The following PIK3R3 variants were observed in gnomAD, a reference collection of about 807,000 sequenced individuals.
The protein encoded by PIK3R3 is phosphoinositide-3-kinase regulatory subunit 3, also known as phosphatidylinositol 3-kinase regulatory subunit gamma.
A neutral mutation model predicts 62.9 loss-of-function variants in PIK3R3; 64 were observed. The ratio of observed to expected loss-of-function variants is 1.02; its 90% CI spans 0.83 to 1.25. The LOEUF (loss-of-function observed/expected upper bound fraction) is 1.25, where lower values mean the gene tolerates loss of function less well. Ranked by LOEUF, PIK3R3 falls within the 50% of genes most tolerant of loss-of-function variation. The pLI, the probability that PIK3R3 is intolerant of heterozygous loss-of-function variation, is 0.00. For missense variants in PIK3R3, 614 were observed against 561.6 expected (o/e 1.09, Z -0.94); for synonymous variants, 165 against 189.0 (o/e 0.87, Z 1.04).
chr1:46,042,449 T>C lies in PIK3R3; in HGVS notation c.*1224A>G. On this transcript the variant is annotated 3_prime_UTR_variant, in exon 10 of 10. Coordinates refer to ENST00000262741, the MANE Select transcript of PIK3R3 (RefSeq NM_003629.4). This position sits in a 1 kb window ranked among gnomAD's most constrained non-coding sequence, Gnocchi z 4.3. Reference sequence around the variant, plus strand: ...ACTGTATGGAAGCACATGTGTAATGTGGTGTGACTCTCACCCTGGACCACA... The same window carrying C: ...ACTGTATGGAAGCACATGTGTAATGCGGTGTGACTCTCACCCTGGACCACA... The C allele has an allele frequency of 4.4e-6, 1 of 225,430 alleles. No homozygotes were observed. Among genetic ancestry groups the C allele is most frequent in the Non-Finnish European group, 8.9e-6 (1 of 112,970 alleles). 14.0% of individuals were successfully genotyped at this position (225,430 alleles called of 1,614,324 possible).
the PIK3R3 span, among the ~76,000 whole-genome samples, chr1:46,140,857 GTTTT>G: frequency 6.6e-6 from 1 of 151,394 alleles, no homozygotes; most frequent in African/African-American, 2.4e-5. Context: ...TTTGTTTTTT[GTTTT>G]TTTGTTTTTT....
intron 1 of PIK3R3, among the ~76,000 whole-genome samples, chr1:46,082,640 C>A (rs1055927430): frequency 5.9e-5 from 9 of 152,018 alleles, no homozygotes; most frequent in Non-Finnish European, 1.0e-4. Flanking sequence ...TCAAATGATT[C>A]AAAAAAATTA....
chr1:46,102,782 T>C (rs1408529974), intron 1 of PIK3R3, among the ~76,000 whole-genome samples: 1 of 137,072 alleles, frequency 7.3e-6, no homozygotes, highest in Non-Finnish European at 1.5e-5. Context: ...CAGCAATCCT[T>C]CTTATTCTGG....
intron 8 of PIK3R3, 115 bp downstream of exon 8, chr1:46,046,436 C>A: frequency 1.3e-6 from 1 of 756,136 alleles, no homozygotes; most frequent in South Asian, 1.6e-5. Context: ...AGTCAAAGTT[C>A]TAGATTCAAT....
chr1:46,091,745 A>G (rs1313266700), intron 1 of PIK3R3, among the ~76,000 whole-genome samples: 1 of 152,170 alleles, frequency 6.6e-6, no homozygotes, highest in South Asian at 2.1e-4. Context: ...GATTGCTTCC[A>G]GGACCCCTGC....
chr1:46,123,672 G>C (rs1290293880), intron 1 of PIK3R3, among the ~76,000 whole-genome samples: 1 of 152,216 alleles, frequency 6.6e-6, no homozygotes, highest in Non-Finnish European at 1.5e-5. Context: ...CTGGGCTTTA[G>C]TTAGGCAGAT....
chr1:46,156,281 G>A, the PIK3R3 span, among the ~76,000 whole-genome samples: 1 of 151,826 alleles, frequency 6.6e-6, no homozygotes, highest in African/African-American at 2.4e-5. Context: ...CCAACATGGT[G>A]AAACCCCGTC....
chr1:46,042,051 G>A lies in PIK3R3; in HGVS notation c.*1622C>T, dbSNP rs1190647334. On this transcript the variant is annotated 3_prime_UTR_variant, in exon 10 of 10. Transcript: ENST00000262741. This position sits in a 1 kb window ranked among gnomAD's most constrained non-coding sequence, Gnocchi z 4.3. ...GTACTGGCTTCTCTAGCTCAGCCAGGGTGCCTGACTGCACAGCTTTGGGTT... is the reference window on the plus strand; with the variant it reads ...GTACTGGCTTCTCTAGCTCAGCCAGAGTGCCTGACTGCACAGCTTTGGGTT... The A allele has an allele frequency of 4.5e-6, 1 of 222,844 alleles. No homozygotes were observed. Among genetic ancestry groups the A allele is most frequent in the Non-Finnish European group, 9.0e-6 (1 of 111,610 alleles). 13.8% of individuals were successfully genotyped at this position (222,844 alleles called of 1,614,324 possible). A position where few individuals can be genotyped will look rare whatever the true frequency, so the allele number is the denominator to read the frequency against.
the PIK3R3 span, among the ~76,000 whole-genome samples, chr1:46,153,224 G>T: frequency 2.0e-5 from 3 of 151,536 alleles, no homozygotes; most frequent in African/African-American, 7.3e-5. Flanking sequence ...GACAAAATTA[G>T]ATATTATTTA....
At chr1:46,083,653 C>T (rs1158119678) in intron 1 of PIK3R3, among the ~76,000 whole-genome samples, 1 of 152,102 alleles carries the variant, frequency 6.6e-6, no homozygotes, top group African/African-American at 2.4e-5. Context: ...AAAAGACAAA[C>T]AAGTGGCCAA....
intron 1 of PIK3R3, among the ~76,000 whole-genome samples, chr1:46,114,946 G>A (rs1654056148): frequency 6.6e-6 from 1 of 151,846 alleles, no homozygotes; most frequent in Admixed American, 6.6e-5. Flanking sequence ...CCTCCAGGTA[G>A]TTCTAATGCA....
rs370501368 is a variant in PIK3R3, at chr1:46,045,644, T to TTTTTTTC, written c.1187+273_1187+274insGAAAAAA. On this transcript the variant is annotated intron_variant, in intron 9 of 9. Transcript: ENST00000262741. ...TTTTTTTTTTTTTTTTTTTTTTTTT[T>TTTTTTTC]CAATTTAAGATCTCACATTACCTTT... Among the ~76,000 whole-genome samples, 8 of 82,680 alleles carry TTTTTTTC rather than the reference T, an allele frequency of 9.7e-5. 1 individual carries two copies. Among genetic ancestry groups the TTTTTTTC allele is most frequent in the African/African-American group, 1.9e-4 (4 of 21,284 alleles). The allele number at this position is 82,680 out of a possible 152,430, so 54.2% of individuals were successfully genotyped here.
At chr1:46,066,639 G>A (rs1476515584) in intron 4 of PIK3R3, among the ~76,000 whole-genome samples, 1 of 152,072 alleles carries the variant, frequency 6.6e-6, no homozygotes, top group Non-Finnish European at 1.5e-5. Context: ...GGGCAACATG[G>A]CAAGACCCTG....
At chr1:46,053,637 G>A (rs1401872535) in intron 7 of PIK3R3, among the ~76,000 whole-genome samples, 1 of 152,132 alleles carries the variant, frequency 6.6e-6, no homozygotes, top group Non-Finnish European at 1.5e-5. Flanking sequence ...CCCCTCACCA[G>A]ACACCAAATC....
At chr1:46,157,500 A>C in the PIK3R3 span, among the ~76,000 whole-genome samples, 1 of 152,150 alleles carries the variant, frequency 6.6e-6, no homozygotes, top group Non-Finnish European at 1.5e-5. Context: ...CAAATTATCA[A>C]ATTTGGGATG....
chr1:46,077,666 G>A (rs989885499), intron 2 of PIK3R3, 53 bp from the exon 3 acceptor site: 10 of 1,083,458 alleles, frequency 9.2e-6, no homozygotes, highest in Middle Eastern at 4.0e-4. Flanking sequence ...TGGTGGCTTC[G>A]GCAGTAGGTG....
In PIK3R3 at chr1:46,041,704, T is replaced by C. The variant is rs747080278; in HGVS notation, c.*1969A>G. On this transcript the variant is annotated 3_prime_UTR_variant, in exon 10 of 10. Transcript: ENST00000262741. ...TAGCTTGGTATTATTCAGTAAAACTTTCAGTTAAGATTTCAATTGACAGTT... is the reference window on the plus strand; with the variant it reads ...TAGCTTGGTATTATTCAGTAAAACTCTCAGTTAAGATTTCAATTGACAGTT... The C allele has an allele frequency of 1.6e-4, 31 of 195,172 alleles. No homozygotes were observed. The highest frequency in any genetic ancestry group is 2.1e-4 in the Non-Finnish European group (20 of 93,518). 12.1% of individuals were successfully genotyped at this position (195,172 alleles called of 1,614,324 possible). A position where few individuals can be genotyped will look rare whatever the true frequency, so the allele number is the denominator to read the frequency against.
chr1:46,092,757 C>T (rs112339149), intron 1 of PIK3R3, among the ~76,000 whole-genome samples: 6 of 152,098 alleles, frequency 3.9e-5, no homozygotes, highest in African/African-American at 1.4e-4. Context: ...TGTTCTTTCA[C>T]CTCAGTAAGA....
the PIK3R3 span, among the ~76,000 whole-genome samples, chr1:46,172,811 G>A: frequency 6.6e-6 from 1 of 152,042 alleles, no homozygotes; most frequent in Admixed American, 6.5e-5. Context: ...TAGCCCACAT[G>A]GCAAAACCCC....
Sources: gnomAD v4.1 joint callset for allele counts (sites outside exome capture counted in the v4.1 genomes callset) on GRCh38, gnomAD v4.1.1 for gene constraint, Gnocchi (gnomAD v3.1) non-coding constraint, MANE v1.5 for transcripts, NCBI Gene and HGNC (gene_info 2026-07-23, HGNC 2026-07-21) for gene names.